The following ARHGAP15 variants were observed in gnomAD, a reference collection of about 807,000 sequenced individuals.
The protein encoded by ARHGAP15 is Rho GTPase activating protein 15, also known as rho GTPase-activating protein 15.
In ARHGAP15, 51 loss-of-function variants were observed where a neutral mutation model predicts 63.7. The ratio of observed to expected loss-of-function variants is 0.80; its 90% CI spans 0.64 to 1.01. ARHGAP15 has a LOEUF of 1.01. Ranked by LOEUF, ARHGAP15 falls within the 50% of genes least tolerant of loss-of-function variation. The pLI is 0.00. For missense variants in ARHGAP15, 560 were observed against 564.6 expected (o/e 0.99, Z 0.08); for synonymous variants, 191 against 193.8 (o/e 0.99, Z 0.12).
chr2:143,305,302 A>G (rs972076701), intron 6 of ARHGAP15: 13 of 131,016 alleles, frequency 9.9e-5, no homozygotes, highest in East Asian at 2.5e-4. Flanking sequence ...GGAGGGGAAC[A>G]TCACACACTG....
At chr2:143,251,634 T>G (rs972707037) in intron 6 of ARHGAP15, among the ~76,000 whole-genome samples, 1 of 152,050 alleles carries the variant, frequency 6.6e-6, no homozygotes, top group African/African-American at 2.4e-5. Context: ...GGTTCTAGTT[T>G]TATTTTGCTT....
chr2:143,189,155 C>A (rs1691571904), intron 2 of ARHGAP15, among the ~76,000 whole-genome samples: 1 of 152,152 alleles, frequency 6.6e-6, no homozygotes, highest in Admixed American at 6.5e-5. Context: ...ATTCTTCTAG[C>A]CTCCAGTCAG....
intron 8 of ARHGAP15, among the ~76,000 whole-genome samples, chr2:143,457,071 C>G (rs576628562): frequency 1.3e-5 from 2 of 152,118 alleles, no homozygotes; most frequent in South Asian, 4.1e-4. Context: ...ATTTCACAAA[C>G]TTATTCAAAA....
intron 12 of ARHGAP15, among the ~76,000 whole-genome samples, chr2:143,696,735 A>G (rs1683865169): frequency 6.6e-6 from 1 of 152,242 alleles, no homozygotes; most frequent in Non-Finnish European, 1.5e-5. Context: ...CAGCCAAAAC[A>G]TGAATATCTC....
intron 6 of ARHGAP15, among the ~76,000 whole-genome samples, chr2:143,400,835 T>C (rs1687960985): frequency 6.6e-6 from 1 of 152,024 alleles, no homozygotes; most frequent in Non-Finnish European, 1.5e-5. Flanking sequence ...GAGTAGACTT[T>C]TCTATATATG....
intron 13 of ARHGAP15, among the ~76,000 whole-genome samples, chr2:143,731,251 G>A (rs1160757887): frequency 6.6e-6 from 1 of 152,120 alleles, no homozygotes; most frequent in Non-Finnish European, 1.5e-5. Flanking sequence ...AGGCATTTGA[G>A]CTCCAACTGA....
At chr2:143,330,527 A>G (rs1459057444) in intron 6 of ARHGAP15, among the ~76,000 whole-genome samples, 3 of 152,192 alleles carry the variant, frequency 2.0e-5, no homozygotes, top group African/African-American at 7.2e-5. Context: ...AATAAAATCT[A>G]TATTTTTCAG....
At chr2:143,202,664 T>C (rs1478425895) in intron 3 of ARHGAP15, among the ~76,000 whole-genome samples, 2 of 152,128 alleles carry the variant, frequency 1.3e-5, no homozygotes, top group Non-Finnish European at 2.9e-5. Context: ...TTGGTTAAAA[T>C]TAAGTCATTA....
intron 12 of ARHGAP15, among the ~76,000 whole-genome samples, chr2:143,680,188 GA>G (rs1384355408): frequency 2.0e-5 from 3 of 151,996 alleles, no homozygotes; most frequent in African/African-American, 4.8e-5. Context: ...CAAAAACATG[GA>G]AAAAATCCAC....
At chr2:143,542,612 C>A (rs1695122255) in intron 10 of ARHGAP15, among the ~76,000 whole-genome samples, 2 of 142,516 alleles carry the variant, frequency 1.4e-5, no homozygotes, top group African/African-American at 2.6e-5. Flanking sequence ...TGTGTGTGTG[C>A]ATATATATCA....
chr2:143,316,166 T>G lies in ARHGAP15; in HGVS notation c.474+65566T>G, dbSNP rs552883677. On this transcript the variant is annotated intron_variant, in intron 6 of 13. Transcript: ENST00000295095. Reference sequence around the variant, plus strand: ...AATTCAAATTGTTCCAGACGGGGCATTATTTAAGAAAATCAGACTTTCCTC... The same window carrying G: ...AATTCAAATTGTTCCAGACGGGGCAGTATTTAAGAAAATCAGACTTTCCTC... Among the ~76,000 whole-genome samples, 13 of 152,298 alleles carry G rather than the reference T, an allele frequency of 8.5e-5. 1 individual carries two copies. The South Asian group carries it at 2.7e-3, about 32-fold the overall frequency.
At chr2:143,709,317 G>A (rs561819865) in intron 13 of ARHGAP15, among the ~76,000 whole-genome samples, 1 of 152,214 alleles carries the variant, frequency 6.6e-6, no homozygotes. Flanking sequence ...ATTACTCAGA[G>A]AAAATAAAAT....
At chr2:143,171,256 G>C (rs1044655691) in intron 2 of ARHGAP15, among the ~76,000 whole-genome samples, 1 of 152,114 alleles carries the variant, frequency 6.6e-6, no homozygotes, top group Non-Finnish European at 1.5e-5. Flanking sequence ...CCTGCCTTGT[G>C]GTTCAGAGTT....
intron 10 of ARHGAP15, among the ~76,000 whole-genome samples, chr2:143,523,099 G>A (rs1694123181): frequency 6.6e-6 from 1 of 152,120 alleles, no homozygotes; most frequent in Non-Finnish European, 1.5e-5. Flanking sequence ...TATACAGCAC[G>A]TGACACCTTG....
intron 6 of ARHGAP15, among the ~76,000 whole-genome samples, chr2:143,328,305 G>T (rs1209431528): frequency 6.6e-6 from 1 of 152,126 alleles, no homozygotes; most frequent in Non-Finnish European, 1.5e-5. Flanking sequence ...GTTTATCGCA[G>T]CACTGTTCAT....
At chr2:143,391,073 A>G (rs1302651903) in intron 6 of ARHGAP15, among the ~76,000 whole-genome samples, 1 of 152,288 alleles carries the variant, frequency 6.6e-6, no homozygotes, top group Admixed American at 6.5e-5. Flanking sequence ...GTAGAATATA[A>G]AAGGTAAAGA....
At chr2:143,737,430 G>A (rs1040373667) in intron 13 of ARHGAP15, among the ~76,000 whole-genome samples, 2 of 152,196 alleles carry the variant, frequency 1.3e-5, no homozygotes, top group Admixed American at 6.5e-5. Flanking sequence ...CATGTATTGG[G>A]CAGAGAAAGC....
chr2:143,569,136 C>T (rs1275977647), intron 11 of ARHGAP15, among the ~76,000 whole-genome samples: 1 of 151,722 alleles, frequency 6.6e-6, no homozygotes, highest in African/African-American at 2.4e-5. Flanking sequence ...ACGTTGTGCA[C>T]ATGTACCCTA....
At chr2:143,368,989 G>T (rs1242766257) in intron 6 of ARHGAP15, among the ~76,000 whole-genome samples, 1 of 151,996 alleles carries the variant, frequency 6.6e-6, no homozygotes, top group Non-Finnish European at 1.5e-5. Flanking sequence ...ATATTAGAAT[G>T]ATACTTTCTT....
Sources: gnomAD v4.1 joint callset for allele counts (sites outside exome capture counted in the v4.1 genomes callset) on GRCh38, gnomAD v4.1.1 for gene constraint, MANE v1.5 for transcripts, NCBI Gene and HGNC (gene_info 2026-07-23, HGNC 2026-07-21) for gene names.